ACOX3: variants seen among roughly 807,000 people sequenced by gnomAD.
The protein encoded by ACOX3 is peroxisomal acyl-coenzyme A oxidase 3.
A neutral mutation model predicts 81.5 loss-of-function variants in ACOX3; 73 were observed. The ratio of observed to expected loss-of-function variants is 0.90; its 90% CI spans 0.74 to 1.09. The LOEUF (loss-of-function observed/expected upper bound fraction) is 1.09. ACOX3 is among the 50% of genes least tolerant of loss of function. The pLI is 0.00. For synonymous variants in ACOX3, 387 were observed against 375.1 expected, an observed-to-expected ratio of 1.03 and a Z score of -0.37; for missense variants, 947 against 928.0, an observed-to-expected ratio of 1.02 and a Z score of -0.27.
At position 8,385,294 on chromosome 4, in the gene ACOX3, C is replaced by CA. The variant is rs150192283; in HGVS notation, c.1538-3688_1538-3687insT. 5.5e-3 allele frequency among the ~76,000 whole-genome samples: 834 copies of CA among 151,918 alleles called. 6 individuals are homozygous for CA. The highest frequency in any genetic ancestry group is 0.019 in the African/African-American group (797 of 41,430). ...ATGCACTCCACGTGACCTCACCGCTCCCCCACGTGACTCCACCGCTCACCT... is the reference window on the plus strand; with the variant it reads ...ATGCACTCCACGTGACCTCACCGCTCACCCCACGTGACTCCACCGCTCACCT... On this transcript the variant is annotated intron_variant, in intron 13 of 17. Coordinates refer to ENST00000356406, the MANE Select transcript of ACOX3 (RefSeq NM_003501.3). The surrounding 1 kb of genome is among the most constrained non-coding windows in gnomAD (Gnocchi z 5.5).
Position 8,389,103 on chromosome 4 carries a change from C to T in ACOX3, c.1537+70G>A, listed in dbSNP as rs1192620990. The T allele has an allele frequency of 7.5e-7, 1 of 1,340,716 alleles. No homozygotes were observed. The allele number at this position is 1,340,716 out of a possible 1,614,324, so 83.1% of individuals were successfully genotyped here. A position where few individuals can be genotyped will look rare whatever the true frequency, so the allele number is the denominator to read the frequency against. On this transcript the variant is annotated intron_variant, in intron 13 of 17. Transcript: ENST00000356406. This position sits in a 1 kb window ranked among gnomAD's most constrained non-coding sequence, Gnocchi z 5.3. ...ACTGCCAAGGGTCCCCTCACCGAGG[C>T]ACGGTGCGTTTCCTGGTGGGAATGA...
chr4:8,408,233 C>T (rs1721234943), intron 6 of ACOX3, among the ~76,000 whole-genome samples: 1 of 151,196 alleles, frequency 6.6e-6, no homozygotes, highest in Non-Finnish European at 1.5e-5. Flanking sequence ...TCAGCAAGGC[C>T]CAGTAAAGAT....
intron 1 of ACOX3, among the ~76,000 whole-genome samples, chr4:8,434,490 G>C (rs1724117381): frequency 1.3e-5 from 2 of 152,274 alleles, no homozygotes; most frequent in African/African-American, 4.8e-5. Context: ...GCTCCAGCCA[G>C]CTTGCGCGAT....
In ACOX3 at chr4:8,416,096, G is replaced by A; in HGVS notation, c.145-97C>T. 1 of 1,238,254 alleles carries A rather than the reference G, an allele frequency of 8.1e-7. No individual in the cohort carries two copies. 76.7% of individuals were successfully genotyped at this position (1,238,254 alleles called of 1,614,324 possible). On this transcript the variant is annotated intron_variant, in intron 2 of 17. Coordinates refer to ENST00000356406, the MANE Select transcript of ACOX3 (RefSeq NM_003501.3). The surrounding 1 kb of genome is among the most constrained non-coding windows in gnomAD (Gnocchi z 4.2). Reference sequence around the variant, plus strand: ...GACCTCCAGGCCACAGGCTTCATGGGACACAGTCTGACCCGGAGACACCCA... The same window carrying A: ...GACCTCCAGGCCACAGGCTTCATGGAACACAGTCTGACCCGGAGACACCCA...
At chr4:8,434,337 T>C (rs1724108246) in intron 1 of ACOX3, among the ~76,000 whole-genome samples, 1 of 152,232 alleles carries the variant, frequency 6.6e-6, no homozygotes, top group Non-Finnish European at 1.5e-5. Flanking sequence ...CTTTCTTCTT[T>C]AATCCGGTGT....
the ACOX3 span, among the ~76,000 whole-genome samples, chr4:8,359,145 G>C: frequency 1.3e-5 from 2 of 152,176 alleles, no homozygotes; most frequent in Non-Finnish European, 2.9e-5. This position sits in a 1 kb window ranked among gnomAD's most constrained non-coding sequence, Gnocchi z 6.0. Context: ...GACCCAAAGA[G>C]TAACTTTGGG....
In ACOX3 at chr4:8,437,233, AG is replaced by A. The variant is rs1467301374; in HGVS notation, c.-15+3414del. Among the ~76,000 whole-genome samples, 2 of 151,278 alleles carry A rather than the reference AG, an allele frequency of 1.3e-5. No homozygotes were observed. Among genetic ancestry groups the A allele is most frequent in the East Asian group, 3.9e-4 (2 of 5,090 alleles). ...GCATGAATATCACCCAGTCTATAAA[AG>A]TGGCCACCAAGGCGTATGTTAGCTG... On this transcript the variant is annotated intron_variant, in intron 1 of 17. Coordinates refer to ENST00000356406, the MANE Select transcript of ACOX3 (RefSeq NM_003501.3). This position sits in a 1 kb window ranked among gnomAD's most constrained non-coding sequence, Gnocchi z 5.2.
Position 8,440,702 on chromosome 4 carries a change from T to G in ACOX3, c.-69A>C. 1.6e-6 allele frequency: 2 copies of G among 1,242,574 alleles called. No homozygotes were observed. The highest frequency in any genetic ancestry group is 2.1e-6 in the Non-Finnish European group (2 of 951,826). The allele number at this position is 1,242,574 out of a possible 1,614,324, so 77.0% of individuals were successfully genotyped here. ...GGGAAACCAAAAGCAGGAAAGGATC[T>G]CCAGCGGCGCCATTCTCATTTCCGG... On this transcript the variant is annotated 5_prime_UTR_variant, in exon 1 of 18. Coordinates refer to ENST00000356406, the MANE Select transcript of ACOX3 (RefSeq NM_003501.3).
rs1480508821 is a variant in ACOX3 at position 8,399,004 on chromosome 4, AT to A, written c.873+551del. Among the ~76,000 whole-genome samples the A allele has an allele frequency of 6.6e-6, 1 of 151,860 alleles. No individual in the cohort carries two copies. The highest frequency in any genetic ancestry group is 1.5e-5 in the Non-Finnish European group (1 of 67,980). ...GGCATCCCCATCATGCTCCTTTTCC[AT>A]CCGTGCTTCCTGATGTCAGATGCTG... On this transcript the variant is annotated intron_variant, in intron 8 of 17. Coordinates refer to ENST00000356406, the MANE Select transcript of ACOX3 (RefSeq NM_003501.3). This position sits in a 1 kb window ranked among gnomAD's most constrained non-coding sequence, Gnocchi z 4.9.
chr4:8,413,380 G>A lies in ACOX3; in HGVS notation c.543+912C>T, dbSNP rs1391550357. On this transcript the variant is annotated intron_variant, in intron 5 of 17. Transcript: ENST00000356406. ...GTGGCCCATCTCCCTCCACCCCTGT[G>A]CCCCTCCACAGCACTGACAGCCCCA... Among the ~76,000 whole-genome samples, 94 of 66,586 alleles carry A rather than the reference G, an allele frequency of 1.4e-3. 1 individual carries two copies. Among genetic ancestry groups the A allele is most frequent in the Middle Eastern group, 0.016 (1 of 64 alleles). The allele number at this position is 66,586 out of a possible 152,430, so 43.7% of individuals were successfully genotyped here. A position where few individuals can be genotyped will look rare whatever the true frequency, so the allele number is the denominator to read the frequency against.
At chr4:8,439,737 G>A (rs1249576816) in intron 1 of ACOX3, among the ~76,000 whole-genome samples, 2 of 152,180 alleles carry the variant, frequency 1.3e-5, no homozygotes, top group Non-Finnish European at 2.9e-5. Flanking sequence ...AACCCTCACT[G>A]CAAGTGTATT....
the ACOX3 span, chr4:8,357,329 T>G: frequency 2.2e-6 from 1 of 446,236 alleles, no homozygotes; most frequent in South Asian, 1.6e-5. Flanking sequence ...CTGTCAATGT[T>G]CAGCTTCAGT....
chr4:8,370,768 C>T lies in ACOX3; in HGVS notation c.1983+140G>A, dbSNP rs950959883. On this transcript the variant is annotated intron_variant, in intron 17 of 17. Coordinates refer to ENST00000356406, the MANE Select transcript of ACOX3 (RefSeq NM_003501.3). The surrounding 1 kb of genome is among the most constrained non-coding windows in gnomAD (Gnocchi z 6.3). ...AGAGTGAGACAGTCCTGACTTGTCC[C>T]GGGCCCTCCCCAAGAAGCTCCTCCA... is the stretch of plus-strand genomic sequence containing the variant. 5.1e-5 allele frequency: 36 copies of T among 703,688 alleles called. No individual in the cohort carries two copies. The highest frequency in any genetic ancestry group is 4.8e-4 in the South Asian group (27 of 55,874). 43.6% of individuals were successfully genotyped at this position (703,688 alleles called of 1,614,324 possible).
chr4:8,404,585 A>G (rs1720722319), intron 7 of ACOX3, among the ~76,000 whole-genome samples: 1 of 152,182 alleles, frequency 6.6e-6, no homozygotes, highest in African/African-American at 2.4e-5. Flanking sequence ...AGGGCCAAGC[A>G]GAGATTTAAG....
At chr4:8,380,985 T>C (rs548539354) in intron 14 of ACOX3, among the ~76,000 whole-genome samples, 4 of 152,302 alleles carry the variant, frequency 2.6e-5, no homozygotes, top group Admixed American at 1.3e-4. Flanking sequence ...GGCTATTTTT[T>C]CCCTGTGGCT....
chr4:8,359,622 G>GT, the ACOX3 span, among the ~76,000 whole-genome samples: 1 of 152,174 alleles, frequency 6.6e-6, no homozygotes, highest in African/African-American at 2.4e-5. The surrounding 1 kb of genome is among the most constrained non-coding windows in gnomAD (Gnocchi z 6.0). Context: ...GACTTGGGGA[G>GT]TTTTTTCCTC....
intron 17 of ACOX3, among the ~76,000 whole-genome samples, chr4:8,369,561 T>C (rs924945267): frequency 3.3e-4 from 51 of 152,270 alleles, no homozygotes; most frequent in Middle Eastern, 3.4e-3. Flanking sequence ...TCCCTGCCTC[T>C]CCTACTACGG....
At chr4:8,369,313 G>A (rs370251585) in intron 17 of ACOX3, among the ~76,000 whole-genome samples, 162 of 152,174 alleles carry the variant, frequency 1.1e-3, no homozygotes, top group African/African-American at 3.7e-3. Flanking sequence ...AGGTGGGTAG[G>A]GCAAGTCCCT....
At chr4:8,429,622 G>T (rs571348595) in intron 1 of ACOX3, among the ~76,000 whole-genome samples, 3 of 152,206 alleles carry the variant, frequency 2.0e-5, no homozygotes, top group African/African-American at 7.2e-5. Context: ...CGAAGATGGA[G>T]TCTGTCTGGC....
Sources: gnomAD v4.1 joint callset for allele counts (sites outside exome capture counted in the v4.1 genomes callset) on GRCh38, gnomAD v4.1.1 for gene constraint, Gnocchi (gnomAD v3.1) non-coding constraint, MANE v1.5 for transcripts, NCBI Gene and HGNC (gene_info 2026-07-23, HGNC 2026-07-21) for gene names.